Variants in ATP8A2 observed in about 807,000 individuals in gnomAD.
ATP8A2 encodes the protein phospholipid-transporting ATPase IB.
ATP8A2 carries 100 observed loss-of-function variants against 165.6 expected under a neutral mutation model. The observed-to-expected ratio is 0.60, with a 90% CI of 0.51 to 0.71. The LOEUF is 0.71. ATP8A2 is among the 30% of genes least tolerant of loss of function. The pLI is 0.00. For missense variants in ATP8A2, 1,227 were observed against 1,479.5 expected (o/e 0.83, Z 2.80); for synonymous variants, 543 against 548.8 (o/e 0.99, Z 0.15).
chr13:25,638,310 A>T (rs2041424471), intron 24 of ATP8A2, among the ~76,000 whole-genome samples: 3 of 152,362 alleles, frequency 2.0e-5, no homozygotes, highest in Admixed American at 2.0e-4. Context: ...AACTTCTCCA[A>T]GCTGAAGGAG....
chr13:25,840,776 C>T (rs1951732234), intron 30 of ATP8A2, among the ~76,000 whole-genome samples: 1 of 152,152 alleles, frequency 6.6e-6, no homozygotes, highest in African/African-American at 2.4e-5. Context: ...ATTTTGGTGA[C>T]AGACTCAGCC....
At chr13:25,833,037 A>C (rs1951518154) in intron 28 of ATP8A2, among the ~76,000 whole-genome samples, 1 of 152,198 alleles carries the variant, frequency 6.6e-6, no homozygotes, top group South Asian at 2.1e-4. Flanking sequence ...TATATTTTTA[A>C]AATCAATAGC....
chr13:25,702,273 T>G (rs2042967568), intron 25 of ATP8A2, among the ~76,000 whole-genome samples: 1 of 152,146 alleles, frequency 6.6e-6, no homozygotes, highest in Non-Finnish European at 1.5e-5. Context: ...CAGAAATTGG[T>G]GATGTTGTAT....
chr13:25,739,115 G>A (rs1006128342), intron 25 of ATP8A2, among the ~76,000 whole-genome samples: 1 of 152,188 alleles, frequency 6.6e-6, no homozygotes, highest in African/African-American at 2.4e-5. Context: ...TTTGAGCAGG[G>A]GAAGAAAATC....
At chr13:25,992,765 G>T (rs1472804297) in intron 35 of ATP8A2, among the ~76,000 whole-genome samples, 1 of 151,234 alleles carries the variant, frequency 6.6e-6, no homozygotes, top group Admixed American at 6.6e-5. Context: ...GTATACATGT[G>T]CCATGCTGGT....
intron 1 of ATP8A2, among the ~76,000 whole-genome samples, chr13:25,384,700 G>A (rs981998395): frequency 6.6e-6 from 1 of 151,994 alleles, no homozygotes. Flanking sequence ...ATTGCTTCAT[G>A]TATTGAATAT....
At chr13:25,870,097 T>C (rs934823163) in intron 33 of ATP8A2, among the ~76,000 whole-genome samples, 3 of 152,182 alleles carry the variant, frequency 2.0e-5, no homozygotes, top group African/African-American at 7.2e-5. Context: ...GTTGAGCCAC[T>C]TGACAGCCCG....
In ATP8A2 at chr13:25,750,026, GA is replaced by G. The variant is rs1566102421; in HGVS notation, c.2385-19018del. ...ATAAAACAAAACAAAACAAAAAAAC[GA>G]AGAAGAAGAATTATTTGCATGTATG... On this transcript the variant is annotated intron_variant, in intron 25 of 36. Transcript: ENST00000381655. This position sits in a 1 kb window ranked among gnomAD's most constrained non-coding sequence, Gnocchi z 4.3. 6.6e-6 allele frequency among the ~76,000 whole-genome samples: 1 copy of G among 152,090 alleles called. No homozygotes were observed. The highest frequency in any genetic ancestry group is 2.4e-5 in the African/African-American group (1 of 41,424).
At chr13:25,382,612 T>G (rs2032878342) in intron 1 of ATP8A2, among the ~76,000 whole-genome samples, 1 of 152,246 alleles carries the variant, frequency 6.6e-6, no homozygotes, top group African/African-American at 2.4e-5. Context: ...TTCAGTGTTT[T>G]GAATTTTAGC....
chr13:25,467,019 T>G (rs1001805848), intron 1 of ATP8A2, among the ~76,000 whole-genome samples: 3 of 152,220 alleles, frequency 2.0e-5, no homozygotes, highest in African/African-American at 2.4e-5. Flanking sequence ...CCTTCCCTGA[T>G]TGAAGTCCGG....
chr13:25,404,650 G>T (rs532489251), intron 1 of ATP8A2, among the ~76,000 whole-genome samples: 1 of 152,252 alleles, frequency 6.6e-6, no homozygotes, highest in East Asian at 1.9e-4. Flanking sequence ...CAGATTTCTG[G>T]TTTGCGCAAC....
chr13:25,528,535 C>T (rs954248558), intron 2 of ATP8A2, among the ~76,000 whole-genome samples: 5 of 152,140 alleles, frequency 3.3e-5, no homozygotes, highest in African/African-American at 1.2e-4. Context: ...TCTGTTGTTC[C>T]AGGCTTGGTT....
intron 28 of ATP8A2, among the ~76,000 whole-genome samples, chr13:25,833,455 A>G (rs1951528963): frequency 6.6e-6 from 1 of 152,166 alleles, no homozygotes; most frequent in Admixed American, 6.5e-5. Context: ...TTTACTAAAT[A>G]TCAGACTATA....
intron 10 of ATP8A2, 89 bp downstream of exon 10, chr13:25,543,491 A>G (rs866824987): frequency 1.2e-6 from 1 of 840,766 alleles, no homozygotes; most frequent in Middle Eastern, 2.3e-4. Flanking sequence ...GCATTTAGGA[A>G]GTTCAAATTT....
At chr13:25,781,790 G>A (rs746686848) in intron 27 of ATP8A2, among the ~76,000 whole-genome samples, 9 of 152,026 alleles carry the variant, frequency 5.9e-5, no homozygotes, top group Non-Finnish European at 1.0e-4. Flanking sequence ...CCCTTTGCCC[G>A]ACCTTCAAAC....
intron 24 of ATP8A2, among the ~76,000 whole-genome samples, chr13:25,619,093 T>A (rs909622777): frequency 2.0e-5 from 3 of 151,614 alleles, no homozygotes; most frequent in African/African-American, 7.3e-5. Flanking sequence ...TCAGGTAAAC[T>A]GAAGGAGAGC....
intron 33 of ATP8A2, among the ~76,000 whole-genome samples, chr13:25,864,069 C>T (rs937805560): frequency 1.6e-4 from 24 of 152,204 alleles, no homozygotes; most frequent in African/African-American, 1.7e-4. Context: ...TACAAGACAA[C>T]GATCCATTGG....
chr13:25,874,941 T>G (rs755697004), intron 33 of ATP8A2, among the ~76,000 whole-genome samples: 14 of 152,156 alleles, frequency 9.2e-5, no homozygotes, highest in Admixed American at 1.3e-4. Context: ...GAGGACATTA[T>G]GTAAAGTGAA....
At chr13:25,380,535 A>G (rs1346025218) in intron 1 of ATP8A2, among the ~76,000 whole-genome samples, 1 of 152,238 alleles carries the variant, frequency 6.6e-6, no homozygotes. Context: ...TGTTTATTAT[A>G]TATCGAAATA....
Sources: gnomAD v4.1 joint callset for allele counts (sites outside exome capture counted in the v4.1 genomes callset) on GRCh38, gnomAD v4.1.1 for gene constraint, Gnocchi (gnomAD v3.1) non-coding constraint, MANE v1.5 for transcripts, NCBI Gene and HGNC (gene_info 2026-07-23, HGNC 2026-07-21) for gene names.